HP1BP3: variants seen among roughly 807,000 people sequenced by gnomAD.
HP1BP3 encodes heterochromatin protein 1 binding protein 3, also known as heterochromatin protein 1-binding protein 3.
In HP1BP3, 12 loss-of-function variants were observed where a neutral mutation model predicts 62.5. The observed-to-expected ratio is 0.19, with a 90% CI of 0.12 to 0.31. The LOEUF (loss-of-function observed/expected upper bound fraction) is 0.31. Ranked by LOEUF, HP1BP3 falls within the 10% of genes least tolerant of loss-of-function variation. The pLI is 1.00. For synonymous variants in HP1BP3, 260 were observed against 237.8 expected (o/e 1.09, Z -0.86); for missense variants, 502 against 651.8 (o/e 0.77, Z 2.50).
chr1:20,771,802 C>T (rs1189646460), intron 5 of HP1BP3, among the ~76,000 whole-genome samples: 4 of 152,112 alleles, frequency 2.6e-5, no homozygotes, highest in Non-Finnish European at 4.4e-5. Context: ...TTGAAACACA[C>T]AAAAGTAGCA....
intron 8 of HP1BP3, among the ~76,000 whole-genome samples, chr1:20,758,958 A>G (rs920200026): frequency 2.0e-5 from 3 of 152,032 alleles, no homozygotes; most frequent in Admixed American, 2.0e-4. Context: ...TGGCTGGGAG[A>G]GAGGTTTTGG....
chr1:20,746,184 A>ATGTGTGTGTGTGTGTGTG (rs1467250353), intron 11 of HP1BP3, among the ~76,000 whole-genome samples: 1 of 63,520 alleles, frequency 1.6e-5, no homozygotes, highest in African/African-American at 7.7e-5. Context: ...ATACATACAT[A>ATGTGTGTGTGTGTGTGTG]TATGTGTGTG....
At chr1:20,759,086 G>T (rs1570595739) in intron 8 of HP1BP3, among the ~76,000 whole-genome samples, 1 of 152,122 alleles carries the variant, frequency 6.6e-6, no homozygotes, top group South Asian at 2.1e-4. Flanking sequence ...ATAATACTAA[G>T]AAATTATTAA....
At chr1:20,750,019 G>A in intron 9 of HP1BP3, 137 bp from the exon 10 acceptor site, 1 of 1,433,094 alleles carries the variant, frequency 7.0e-7, no homozygotes. Flanking sequence ...GTCAGCTTAG[G>A]GACTTTCTCT....
At position 20,742,646 on chromosome 1, in the gene HP1BP3, C is replaced by T. The variant is rs914139336; in HGVS notation, c.*2151G>A. On this transcript the variant is annotated 3_prime_UTR_variant, in exon 13 of 13. Transcript: ENST00000438032. The stretch of plus-strand genomic sequence containing the variant: ...TAGCTACTTCTGAGGATATACTATA[C>T]TCAAAACCTTTAAATATAAGCTACG... 6.6e-6 allele frequency: 1 copy of T among 152,596 alleles called. No homozygotes were observed. Among genetic ancestry groups the T allele is most frequent in the African/African-American group, 2.4e-5 (1 of 41,440 alleles). The allele number at this position is 152,596 out of a possible 1,614,324, so 9.5% of individuals were successfully genotyped here.
chr1:20,786,965 G>A (rs939532477), intron 1 of HP1BP3, among the ~76,000 whole-genome samples: 6 of 152,022 alleles, frequency 3.9e-5, no homozygotes, highest in Non-Finnish European at 2.9e-5. Context: ...GGGCCCCTGA[G>A]GAGGAGTCCA....
At chr1:20,780,587 T>A in intron 1 of HP1BP3, 47 bp from the exon 2 acceptor site, 2 of 602,506 alleles carry the variant, frequency 3.3e-6, no homozygotes, top group East Asian at 2.8e-5. Flanking sequence ...GAAACAAAAC[T>A]AAACTAAAAC....
Position 20,773,536 on chromosome 1 carries a change from C to T in HP1BP3, c.425G>A (p.Ser142Asn). The stretch of plus-strand genomic sequence containing the variant: ...TTGTTTCTGGGCCCTGGCTAGCTGG[C>T]TGGCAGAAAGGGTAGCCCAGGAAGG... ...TIPSWATLSA[S>N]QLARAQKQTP... The change falls in exon 5 of 13, where the codon AGC (serine) becomes AAC (asparagine). Residue 142 changes from serine to asparagine, a missense_variant. Physicochemically the swap from Ser to Asn is conservative, Grantham distance 46 (BLOSUM62 1). This residue lies in a region of HP1BP3 where 7 missense variants were observed against 23.9 expected (regional missense o/e 0.29). Coordinates refer to ENST00000438032, the MANE Select transcript of HP1BP3 (RefSeq NM_001372052.1). The T allele has an allele frequency of 6.2e-7, 1 of 1,611,658 alleles. No homozygotes were observed. The highest frequency in any genetic ancestry group is 8.5e-7 in the Non-Finnish European group (1 of 1,178,558).
chr1:20,744,359 T>C lies in HP1BP3; in HGVS notation c.*438A>G, dbSNP rs902986284. The C allele has an allele frequency of 1.3e-5, 2 of 155,198 alleles. No homozygotes were observed. Among genetic ancestry groups the C allele is most frequent in the Non-Finnish European group, 2.9e-5 (2 of 70,018 alleles). The allele number at this position is 155,198 out of a possible 1,614,324, so 9.6% of individuals were successfully genotyped here. A position where few individuals can be genotyped will look rare whatever the true frequency, so the allele number is the denominator to read the frequency against. ...ACTGAAGTCTCCAGGCAGGAGGCTT[T>C]ACAACTCAGTCAGTGCTATATTGTG... On this transcript the variant is annotated 3_prime_UTR_variant, in exon 13 of 13. Coordinates refer to ENST00000438032, the MANE Select transcript of HP1BP3 (RefSeq NM_001372052.1).
chr1:20,753,685 G>A (rs1020111688), intron 9 of HP1BP3, among the ~76,000 whole-genome samples: 4 of 152,146 alleles, frequency 2.6e-5, no homozygotes, highest in African/African-American at 9.7e-5. Context: ...TAGGGTTTCA[G>A]GTTTCACATG....
Position 20,755,189 on chromosome 1 carries a change from CA to C in HP1BP3, c.981+1976del, listed in dbSNP as rs1167761904. On this transcript the variant is annotated intron_variant, in intron 9 of 12. Transcript: ENST00000438032. ...ACATCAGTAATTATTAGGGAAATGC[CA>C]ATCAAAACTACAACGAGATACCCTA... Among the ~76,000 whole-genome samples, 25 of 152,144 alleles carry C rather than the reference CA, an allele frequency of 1.6e-4. No individual in the cohort carries two copies. The East Asian group carries it at 4.2e-3, about 26-fold the overall frequency.
chr1:20,780,437 C>T lies in HP1BP3; in HGVS notation c.4G>A (p.Ala2Thr), dbSNP rs1217072026. 1 of 1,610,368 alleles carries T rather than the reference C, an allele frequency of 6.2e-7. No homozygotes were observed. Among genetic ancestry groups the T allele is most frequent in the African/African-American group, 1.3e-5 (1 of 74,812 alleles). MATDTSQGELVH... is the reference protein window; with the variant it reads MTTDTSQGELVH... ...AGTTCACCTTGAGACGTATCAGTCGCCATTTTAAATAATTTCTAGGCCCGA... is the reference window on the plus strand; with the variant it reads ...AGTTCACCTTGAGACGTATCAGTCGTCATTTTAAATAATTTCTAGGCCCGA... Residue 2 changes from alanine (A) to threonine (T), a missense_variant, in exon 2 of 13, where the codon GCG becomes ACG. This residue lies in a region of HP1BP3 where 165 missense variants were observed against 156.4 expected (regional missense o/e 1.05). Coordinates refer to ENST00000438032, the MANE Select transcript of HP1BP3 (RefSeq NM_001372052.1).
In HP1BP3 at chr1:20,776,722, G is replaced by A. The variant is rs1406480896; in HGVS notation, c.225C>T (p.Val75=). 6.2e-7 allele frequency: 1 copy of A among 1,613,344 alleles called. No individual in the cohort carries two copies. The highest frequency in any genetic ancestry group is 8.5e-7 in the Non-Finnish European group (1 of 1,179,668). The change falls in exon 4 of 13, where the codon GTC becomes GTT. Residue 75 remains valine, a synonymous_variant. Transcript: ENST00000438032. Reference sequence around the variant, plus strand: ...CATTCTCTTGTTCTTCTACAGTGGAGACAGATTCCTCTGAACTTATGTCTG... The same window carrying A: ...CATTCTCTTGTTCTTCTACAGTGGAAACAGATTCCTCTGAACTTATGTCTG... ...PEPDISSEES[V]STVEEQENET...
In HP1BP3 at chr1:20,761,801, A is replaced by G. The variant is rs114482188; in HGVS notation, c.890+3576T>C. Reference sequence around the variant, plus strand: ...AAGCAGAAATCCTTAGGAGATTGAGAAACGAAGGGTAAAAAGGTTACAGAA... The same window carrying G: ...AAGCAGAAATCCTTAGGAGATTGAGGAACGAAGGGTAAAAAGGTTACAGAA... On this transcript the variant is annotated intron_variant, in intron 8 of 12. Coordinates refer to ENST00000438032, the MANE Select transcript of HP1BP3 (RefSeq NM_001372052.1). 4.0e-3 allele frequency among the ~76,000 whole-genome samples: 608 copies of G among 152,294 alleles called. 7 individuals carry two copies. Among genetic ancestry groups the G allele is most frequent in the African/African-American group, 0.014 (587 of 41,566 alleles).
chr1:20,779,898 C>T lies in HP1BP3; in HGVS notation c.110G>A (p.Ser37Asn). The T allele has an allele frequency of 1.2e-6, 2 of 1,611,456 alleles. No homozygotes were observed. Among genetic ancestry groups the T allele is most frequent in the Non-Finnish European group, 1.7e-6 (2 of 1,179,036 alleles). The part of the protein sequence containing the change: ...ADKLGEKVED[S>N]TMPIRRTVNS... ...CACAGTTCGACGAATCGGCATGGTG[C>T]TATCTTCTACCTTCTAAGAAAAGAG... Residue 37 changes from serine (S) to asparagine (N), a missense_variant, in exon 3 of 13, where the codon AGC becomes AAC. Physicochemically the swap from Ser to Asn is conservative, Grantham distance 46. Around this residue, in one of 5 missense-constraint regions of HP1BP3, gnomAD observed 165 missense variants for 156.4 expected, o/e 1.05. Transcript: ENST00000438032.
intron 9 of HP1BP3, among the ~76,000 whole-genome samples, chr1:20,754,572 T>C (rs915514673): frequency 4.6e-5 from 7 of 152,092 alleles, no homozygotes; most frequent in Admixed American, 4.6e-4. Context: ...AATTCCAAAT[T>C]TCAAAATTCA....
intron 10 of HP1BP3, among the ~76,000 whole-genome samples, chr1:20,748,473 G>A (rs1327899337): frequency 5.3e-5 from 8 of 152,248 alleles, no homozygotes; most frequent in Admixed American, 2.0e-4. Context: ...TAGGCCGGGC[G>A]TGGCGGCTCA....
chr1:20,769,932 T>C (rs779008719), intron 6 of HP1BP3, among the ~76,000 whole-genome samples: 3 of 152,186 alleles, frequency 2.0e-5, no homozygotes, highest in East Asian at 1.9e-4. Context: ...GCAGGGGGTA[T>C]AGAAAAAACT....
chr1:20,783,540 T>TAAA (rs145326681), intron 1 of HP1BP3, among the ~76,000 whole-genome samples: 1 of 137,740 alleles, frequency 7.3e-6, no homozygotes, highest in Non-Finnish European at 1.6e-5. Flanking sequence ...AACAACAATT[T>TAAA]AAAAAAAAAA....
Sources: gnomAD v4.1 joint callset for allele counts (sites outside exome capture counted in the v4.1 genomes callset) on GRCh38, gnomAD v4.1.1 for gene constraint, gnomAD v4.1.1 regional missense constraint, MANE v1.5 for transcripts, NCBI Gene and HGNC (gene_info 2026-07-23, HGNC 2026-07-21) for gene names.